The following CREB5 variants were observed in gnomAD, a reference collection of about 807,000 sequenced individuals.
CREB5 encodes the protein cyclic AMP-responsive element-binding protein 5.
A neutral mutation model predicts 57.1 loss-of-function variants in CREB5; 19 were observed. That is an observed-to-expected ratio of 0.33 (90% CI 0.23 to 0.49). The LOEUF (loss-of-function observed/expected upper bound fraction) is 0.49, where lower values mean the gene tolerates loss of function less well. Ranked by LOEUF, CREB5 falls within the 20% of genes least tolerant of loss-of-function variation. The pLI, the probability that CREB5 is intolerant of heterozygous loss-of-function variation, is 0.99. For missense variants in CREB5, 579 were observed against 671.6 expected (o/e 0.86, Z 1.52); for synonymous variants, 238 against 238.3 (o/e 1.00, Z 0.01).
intron 1 of CREB5, among the ~76,000 whole-genome samples, chr7:28,447,838 A>G (rs1024980792): frequency 6.6e-6 from 1 of 151,980 alleles, no homozygotes; most frequent in African/African-American, 2.4e-5. Context: ...TTTCTTTTTT[A>G]CTTAGAGAGA....
At chr7:28,336,659 CTT>C (rs976304573) in intron 1 of CREB5, among the ~76,000 whole-genome samples, 2 of 151,782 alleles carry the variant, frequency 1.3e-5, no homozygotes, top group African/African-American at 4.8e-5. Context: ...TTTCATTGAT[CTT>C]TTGTATTATT....
chr7:28,650,858 A>G (rs1301904586), intron 5 of CREB5, among the ~76,000 whole-genome samples: 4 of 152,196 alleles, frequency 2.6e-5, no homozygotes, highest in African/African-American at 9.6e-5. Context: ...ATCTTTGATT[A>G]TTGGACATTG....
intron 5 of CREB5, among the ~76,000 whole-genome samples, chr7:28,648,334 A>C (rs1341572772): frequency 4.6e-5 from 7 of 152,196 alleles, no homozygotes; most frequent in Admixed American, 2.6e-4. Context: ...TAGCCTTTAA[A>C]AAAAGAGTAT....
chr7:28,380,477 A>G (rs1786945395), intron 1 of CREB5, among the ~76,000 whole-genome samples: 1 of 152,220 alleles, frequency 6.6e-6, no homozygotes, highest in African/African-American at 2.4e-5. Flanking sequence ...CAAAGAAACA[A>G]AAGGAAGAAT....
intron 1 of CREB5, among the ~76,000 whole-genome samples, chr7:28,463,121 G>A (rs1450203618): frequency 6.6e-6 from 1 of 151,638 alleles, no homozygotes; most frequent in Non-Finnish European, 1.5e-5. Context: ...TTTGAATTAG[G>A]GATCCACCTT....
At chr7:28,540,058 T>C (rs1200828474) in intron 4 of CREB5, among the ~76,000 whole-genome samples, 2 of 152,304 alleles carry the variant, frequency 1.3e-5, no homozygotes, top group East Asian at 3.9e-4. Flanking sequence ...GTTTATATTT[T>C]TAAGGAACGT....
At chr7:28,413,986 A>T (rs889009822) in intron 1 of CREB5, among the ~76,000 whole-genome samples, 2 of 151,742 alleles carry the variant, frequency 1.3e-5, no homozygotes, top group Non-Finnish European at 2.9e-5. Flanking sequence ...TTTTCTTGTC[A>T]TTGGAGTTTA....
chr7:28,383,235 A>G (rs1337002066), intron 1 of CREB5, among the ~76,000 whole-genome samples: 1 of 152,208 alleles, frequency 6.6e-6, no homozygotes, highest in East Asian at 1.9e-4. Context: ...AGAGAAAACT[A>G]GGACTTGGTG....
At chr7:28,639,709 T>C (rs985428573) in intron 5 of CREB5, among the ~76,000 whole-genome samples, 2 of 152,114 alleles carry the variant, frequency 1.3e-5, no homozygotes, top group South Asian at 2.1e-4. Context: ...TCATGTCTTA[T>C]CTGCTATGTA....
intron 1 of CREB5, among the ~76,000 whole-genome samples, chr7:28,323,190 G>T (rs930335142): frequency 2.0e-5 from 3 of 152,054 alleles, no homozygotes; most frequent in Non-Finnish European, 4.4e-5. Flanking sequence ...CCCAATCCTG[G>T]TTAAAACCCA....
chr7:28,446,177 G>C (rs1167068715), intron 1 of CREB5, among the ~76,000 whole-genome samples: 2 of 152,020 alleles, frequency 1.3e-5, no homozygotes, highest in African/African-American at 4.8e-5. Flanking sequence ...TGTTGTTTTT[G>C]GTTGGTCTGT....
intron 9 of CREB5, among the ~76,000 whole-genome samples, chr7:28,815,695 C>A (rs914598297): frequency 2.6e-5 from 4 of 152,092 alleles, no homozygotes; most frequent in Non-Finnish European, 4.4e-5. Flanking sequence ...CCTGGGAGAT[C>A]GAATGCTGCC....
At chr7:28,602,648 T>A (rs1177216039) in intron 5 of CREB5, among the ~76,000 whole-genome samples, 3 of 152,202 alleles carry the variant, frequency 2.0e-5, no homozygotes, top group East Asian at 3.8e-4. Context: ...TATATAACAT[T>A]CTTGAAATGA....
intron 4 of CREB5, among the ~76,000 whole-genome samples, chr7:28,560,902 G>A (rs1160528832): frequency 3.2e-5 from 1 of 30,942 alleles, no homozygotes; most frequent in South Asian, 1.3e-3. Context: ...GTGTGCGTGC[G>A]CGCGTGCGTG....
At chr7:28,472,503 C>T (rs1387859250) in intron 1 of CREB5, among the ~76,000 whole-genome samples, 4 of 152,152 alleles carry the variant, frequency 2.6e-5, no homozygotes, top group Admixed American at 6.5e-5. Context: ...CAGTGCTGGC[C>T]GGTGGTGGCT....
intron 1 of CREB5, among the ~76,000 whole-genome samples, chr7:28,355,658 A>G (rs1786324749): frequency 6.6e-6 from 1 of 152,216 alleles, no homozygotes; most frequent in Non-Finnish European, 1.5e-5. Flanking sequence ...ATTCGCATGT[A>G]CAGCATACCC....
chr7:28,642,236 G>A (rs892334629), intron 5 of CREB5, among the ~76,000 whole-genome samples: 10 of 152,152 alleles, frequency 6.6e-5, no homozygotes, highest in Middle Eastern at 3.2e-3. Flanking sequence ...TGGGACCTAT[G>A]CTGATAAAAA....
intron 7 of CREB5, among the ~76,000 whole-genome samples, chr7:28,774,585 C>A (rs766645311): frequency 6.6e-6 from 1 of 152,146 alleles, no homozygotes; most frequent in African/African-American, 2.4e-5. Flanking sequence ...AATTGCCAAC[C>A]CTTCGACTCT....
At chr7:28,603,125 G>A (rs942732571) in intron 5 of CREB5, among the ~76,000 whole-genome samples, 30 of 152,240 alleles carry the variant, frequency 2.0e-4, no homozygotes, top group Middle Eastern at 3.4e-3. Context: ...GACAAAATAA[G>A]GTAATTCCCT....
Sources: allele counts gnomAD v4.1 joint callset (sites outside exome capture counted in the v4.1 genomes callset), GRCh38; gene constraint gnomAD v4.1.1; transcripts MANE v1.5; gene names NCBI Gene and HGNC (gene_info 2026-07-23, HGNC 2026-07-21).